Variants in MMP20 observed in about 807,000 individuals in gnomAD.
MMP20 encodes the protein matrix metallopeptidase 20.
MMP20 carries 50 observed loss-of-function variants against 51.8 expected under a neutral mutation model. The ratio of observed to expected loss-of-function variants is 0.97; its 90% confidence interval spans 0.77 to 1.22. The LOEUF (loss-of-function observed/expected upper bound fraction) is 1.22, where lower values mean the gene tolerates loss of function less well. Ranked by LOEUF, MMP20 falls within the 50% of genes most tolerant of loss-of-function variation. The probability of loss-of-function intolerance (pLI) is 0.00; values close to 1 mark genes in which losing one functional copy is unlikely to be tolerated. For synonymous variants in MMP20, 244 were observed against 216.2 expected (o/e 1.13, Z -1.13); for missense variants, 663 against 601.4 (o/e 1.10, Z -1.07).
At chr11:102,579,500 C>T (rs1187549226) in intron 8 of MMP20, among the ~76,000 whole-genome samples, 1 of 151,812 alleles carries the variant, frequency 6.6e-6, no homozygotes, top group Non-Finnish European at 1.5e-5. Context: ...TTTATAAAGA[C>T]AGGGTCTTGC....
intron 4 of MMP20, 67 bp downstream of exon 4, chr11:102,609,838 G>C: frequency 2.5e-6 from 4 of 1,609,440 alleles, no homozygotes; most frequent in Non-Finnish European, 3.4e-6. Flanking sequence ...TGAACCTCAA[G>C]GTTTCATGAT....
chr11:102,619,921 T>C (rs934478077), intron 1 of MMP20, among the ~76,000 whole-genome samples: 1 of 152,120 alleles, frequency 6.6e-6, no homozygotes, highest in Admixed American at 6.6e-5. Flanking sequence ...TTTAATGAAG[T>C]AAAAATAAAA....
intron 1 of MMP20, 50 bp downstream of exon 1, chr11:102,625,144 G>A (rs778421101): frequency 6.8e-6 from 11 of 1,609,308 alleles, no homozygotes; most frequent in Non-Finnish European, 9.3e-6. Flanking sequence ...TGCCCTTTTA[G>A]GTTTTCTAGG....
rs757700559 is a variant in MMP20 at position 102,606,675 on chromosome 11, T to C, written c.813A>G (p.Gly271=). The part of the protein sequence containing the change: ...DDVKGIQALY[G]PRKVFLGKPT... ...GCTTCCCCAGGAATACTTTCCGAGG[T>C]CCTAGGATTCAAAATGAGTTGGTCA... The change falls in exon 6 of 10, where the codon GGA becomes GGG. Residue 271 remains glycine, a splice_region_variant and synonymous_variant. Coordinates refer to ENST00000260228, the MANE Select transcript of MMP20 (RefSeq NM_004771.4). 2.5e-6 allele frequency: 4 copies of C among 1,613,700 alleles called. No individual in the cohort carries two copies. The African/African-American group carries it at 4.0e-5, about 16-fold the overall frequency.
intron 3 of MMP20, among the ~76,000 whole-genome samples, chr11:102,611,313 A>C (rs1365534450): frequency 6.6e-6 from 1 of 152,206 alleles, no homozygotes; most frequent in African/African-American, 2.4e-5. Context: ...TTTCCTAACC[A>C]TTGCTGCAGG....
At chr11:102,624,052 T>A (rs1231433444) in intron 1 of MMP20, among the ~76,000 whole-genome samples, 1 of 152,230 alleles carries the variant, frequency 6.6e-6, no homozygotes. Context: ...GCGGGGCTGA[T>A]ATTTAAGTGT....
In MMP20 at chr11:102,593,436, T is replaced by C. The variant is rs377198461; in HGVS notation, c.1247+3A>G. Reference sequence around the variant, plus strand: ...TAGATAGTAAAAAGGAAAAAAGCCATACCTGTAGTATTCATCTCCCACAAA... The same window carrying C: ...TAGATAGTAAAAAGGAAAAAAGCCACACCTGTAGTATTCATCTCCCACAAA... On this transcript the variant is annotated splice_donor_region_variant and intron_variant, in intron 8 of 9. Coordinates refer to ENST00000260228, the MANE Select transcript of MMP20 (RefSeq NM_004771.4). 1.2e-6 allele frequency: 2 copies of C among 1,613,578 alleles called. No homozygotes were observed. Among genetic ancestry groups the C allele is most frequent in the African/African-American group, 2.7e-5 (2 of 74,904 alleles).
At chr11:102,612,560 G>A (rs1859615812) in intron 2 of MMP20, among the ~76,000 whole-genome samples, 1 of 152,002 alleles carries the variant, frequency 6.6e-6, no homozygotes, top group African/African-American at 2.4e-5. Flanking sequence ...CATTGAGAGA[G>A]GACCTCTTTT....
In MMP20 at chr11:102,579,084, A is replaced by C. The variant is rs754153052; in HGVS notation, c.1306T>G (p.Phe436Val). The C allele has an allele frequency of 6.2e-7, 1 of 1,613,910 alleles. No homozygotes were observed. ...KDYPKNTEEE[F>V]SGVNGQIDAA... ...TCGATTTGGCCATTTACTCCTGAAA[A>C]TTCTTCTTCAGTATTCTTTGGATAG... The change falls in exon 9 of 10, where the codon TTT (phenylalanine) becomes GTT (valine). Residue 436 changes from phenylalanine to valine, a missense_variant. By Grantham distance (50) the Phe-to-Val change is conservative. Transcript: ENST00000260228.
chr11:102,619,528 ACTC>A (rs1859720378), intron 1 of MMP20, among the ~76,000 whole-genome samples: 1 of 152,100 alleles, frequency 6.6e-6, no homozygotes, highest in East Asian at 1.9e-4. Flanking sequence ...GTTACCAAAA[ACTC>A]CGTAATCAAG....
chr11:102,611,865 A>G lies in MMP20; in HGVS notation c.413T>C (p.Val138Ala), dbSNP rs756758501. 18 of 1,614,208 alleles carry G rather than the reference A, an allele frequency of 1.1e-5. No homozygotes were observed. The highest frequency in any genetic ancestry group is 3.4e-6 in the Non-Finnish European group (4 of 1,180,010). The change falls in exon 3 of 10, where the codon GTG becomes GCG. Residue 138 changes from valine to alanine, a missense_variant. Coordinates refer to ENST00000260228, the MANE Select transcript of MMP20 (RefSeq NM_004771.4). ...KYTPSMSSVE[V>A]DKAVEMALQA... ...CAAGGCCATCTCCACTGCTTTGTCC[A>G]CCTCGACAGAACTCATGGAAGGTGT... is the stretch of plus-strand genomic sequence containing the variant.
intron 2 of MMP20, among the ~76,000 whole-genome samples, chr11:102,616,244 A>G (rs182330485): frequency 1.8e-4 from 27 of 152,240 alleles, no homozygotes; most frequent in Admixed American, 1.0e-3. Context: ...AGCTCTGTCC[A>G]TGTGAACTGT....
intron 8 of MMP20, among the ~76,000 whole-genome samples, chr11:102,591,958 G>A (rs1859322355): frequency 6.6e-6 from 1 of 152,148 alleles, no homozygotes; most frequent in Admixed American, 6.5e-5. Context: ...AGAGACAATG[G>A]GAGAGTGGAT....
In MMP20 at chr11:102,620,899, G is replaced by A. The variant is rs550111849; in HGVS notation, c.127-3840C>T. Among the ~76,000 whole-genome samples, 20 of 152,334 alleles carry A rather than the reference G, an allele frequency of 1.3e-4. No homozygotes were observed. The South Asian group carries it at 4.1e-3, about 32-fold the overall frequency. ...GATAGCTGAAAGAATCCTCAGGGAGGGGGTGAGGGCATAGGCAGATGAATA... is the reference window on the plus strand; with the variant it reads ...GATAGCTGAAAGAATCCTCAGGGAGAGGGTGAGGGCATAGGCAGATGAATA... On this transcript the variant is annotated intron_variant, in intron 1 of 9. Transcript: ENST00000260228.
At chr11:102,609,241 A>T (rs745638627) in intron 4 of MMP20, 143 bp from the exon 5 acceptor site, 210 of 800,538 alleles carry the variant, frequency 2.6e-4, no homozygotes, top group Non-Finnish European at 3.9e-4. Context: ...TTGGTAGGTT[A>T]TTCTGGCACT....
chr11:102,614,740 C>T (rs1042237411), intron 2 of MMP20, among the ~76,000 whole-genome samples: 1 of 151,984 alleles, frequency 6.6e-6, no homozygotes, highest in East Asian at 1.9e-4. Context: ...GATTCTGGCC[C>T]CTCCTTTGAT....
At chr11:102,617,383 G>A (rs1046507935) in intron 1 of MMP20, among the ~76,000 whole-genome samples, 3 of 152,294 alleles carry the variant, frequency 2.0e-5, no homozygotes, top group East Asian at 3.9e-4. Flanking sequence ...AAAATTCAGG[G>A]AAGGAAGCTG....
chr11:102,581,782 G>T (rs1565388497), intron 8 of MMP20, among the ~76,000 whole-genome samples: 1 of 152,170 alleles, frequency 6.6e-6, no homozygotes, highest in African/African-American at 2.4e-5. Flanking sequence ...ATGGGACAAT[G>T]AGAGAATATG....
intron 8 of MMP20, among the ~76,000 whole-genome samples, chr11:102,588,593 T>A (rs1403172867): frequency 2.0e-5 from 3 of 152,236 alleles, no homozygotes; most frequent in African/African-American, 7.2e-5. Flanking sequence ...CATTGTTTAA[T>A]ATAATTGATT....
Sources: allele counts gnomAD v4.1 joint callset (sites outside exome capture counted in the v4.1 genomes callset), GRCh38; gene constraint gnomAD v4.1.1; transcripts MANE v1.5; gene names NCBI Gene and HGNC (gene_info 2026-07-23, HGNC 2026-07-21).